SLC4A5: variants seen among roughly 807,000 people sequenced by gnomAD.
SLC4A5 encodes the protein electrogenic sodium bicarbonate cotransporter 4.
Under a neutral mutation model 120.4 loss-of-function variants are expected in SLC4A5, and 96 were observed. The ratio of observed to expected loss-of-function variants is 0.80; its 90% CI spans 0.68 to 0.94. The LOEUF is 0.94. SLC4A5 is among the 40% of genes least tolerant of loss of function. The pLI is 0.00. For missense variants in SLC4A5, 1,259 were observed against 1,459.5 expected (o/e 0.86, Z 2.24); for synonymous variants, 550 against 571.1 (o/e 0.96, Z 0.53).
In SLC4A5 at chr2:74,227,797, G is replaced by A; in HGVS notation, c.2916+13C>T. ...ACTCCAGATCATGAAGGGATCTGGA[G>A]GGAAAGCCTTACCTGGATGCCATTC... On this transcript the variant is annotated intron_variant, in intron 26 of 30. Transcript: ENST00000394019. 1 of 1,601,834 alleles carries A rather than the reference G, an allele frequency of 6.2e-7. No individual in the cohort carries two copies. The highest frequency in any genetic ancestry group is 8.5e-7 in the Non-Finnish European group (1 of 1,174,522).
At chr2:74,290,342 C>T (rs1672117729) in intron 7 of SLC4A5, 2 of 985,332 alleles carry the variant, frequency 2.0e-6, no homozygotes, top group Admixed American at 6.1e-5. Flanking sequence ...GCTACTTCCA[C>T]AGGTCCTCTT....
chr2:74,279,308 T>A (rs1195346980), intron 8 of SLC4A5, among the ~76,000 whole-genome samples: 3 of 152,148 alleles, frequency 2.0e-5, no homozygotes, highest in African/African-American at 7.2e-5. Context: ...ACTGCGGGAG[T>A]AGGTCCATCC....
intron 6 of SLC4A5, chr2:74,307,068 T>A: frequency 7.1e-6 from 4 of 566,008 alleles, no homozygotes; most frequent in Non-Finnish European, 1.3e-5. Context: ...CAAGCTGACC[T>A]TCAGATTTCT....
chr2:74,341,227 C>T, intron 2 of SLC4A5, among the ~76,000 whole-genome samples: 1 of 150,080 alleles, frequency 6.7e-6, no homozygotes, highest in Non-Finnish European at 1.5e-5. Flanking sequence ...ATCGCTTGAA[C>T]TCAGGAGGTG....
In SLC4A5 at chr2:74,284,476, G is replaced by T. The variant is rs531700649; in HGVS notation, c.401+1297C>A. Among the ~76,000 whole-genome samples the T allele has an allele frequency of 5.5e-5, 4 of 73,010 alleles. 2 individuals carry two copies. Among genetic ancestry groups the T allele is most frequent in the Non-Finnish European group, 8.7e-5 (4 of 46,032 alleles). The allele number at this position is 73,010 out of a possible 152,430, so 47.9% of individuals were successfully genotyped here. ...ATTACAGGCGTGAGCCACCGCGCCC[G>T]GCCTATTCCTTATTTCTAATGAAAG... On this transcript the variant is annotated intron_variant, in intron 8 of 30. Coordinates refer to ENST00000394019, the Ensembl canonical transcript of SLC4A5.
intron 6 of SLC4A5, among the ~76,000 whole-genome samples, chr2:74,308,738 A>AT (rs201646465): frequency 0.14 from 20,296 of 143,782 alleles, 1,728 homozygotes; most frequent in East Asian, 0.48. Context: ...CCAGCTTATC[A>AT]TTTTTTTTTT....
exon 24 of SLC4A5, chr2:74,232,540 G>A: frequency 6.2e-7 from 1 of 1,613,992 alleles, no homozygotes; most frequent in Non-Finnish European, 8.5e-7. Flanking sequence ...TGTCGATGTG[G>A]GCGATGGAGA....
chr2:74,341,166 G>A (rs1022059778), intron 2 of SLC4A5, among the ~76,000 whole-genome samples: 6 of 152,014 alleles, frequency 3.9e-5, no homozygotes, highest in East Asian at 3.9e-4. Flanking sequence ...TTAGTTGGGC[G>A]TGGTGGTGGG....
chr2:74,313,045 T>C (rs1364832703), intron 6 of SLC4A5, among the ~76,000 whole-genome samples: 4 of 150,670 alleles, frequency 2.7e-5, no homozygotes, highest in East Asian at 3.9e-4. Flanking sequence ...TCCCCCTTTT[T>C]GGTCTTTTTT....
chr2:74,281,289 C>T (rs886820898), intron 8 of SLC4A5, among the ~76,000 whole-genome samples: 6 of 152,364 alleles, frequency 3.9e-5, no homozygotes, highest in Admixed American at 2.0e-4. Flanking sequence ...TCTTGGGAGG[C>T]GCTAAGCTCT....
At chr2:74,266,532 G>A (rs994345706) in intron 8 of SLC4A5, among the ~76,000 whole-genome samples, 10 of 152,154 alleles carry the variant, frequency 6.6e-5, no homozygotes, top group African/African-American at 2.2e-4. Context: ...GCCTCCCAAA[G>A]TTCTAGAATC....
intron 27 of SLC4A5, 149 bp downstream of exon 27, chr2:74,226,808 G>T: frequency 1.1e-6 from 1 of 883,706 alleles, no homozygotes; most frequent in Non-Finnish European, 1.8e-6. Flanking sequence ...ACTCAAATCA[G>T]GTCATTCTGT....
intron 7 of SLC4A5, among the ~76,000 whole-genome samples, chr2:74,288,061 G>A (rs1672040390): frequency 6.6e-6 from 1 of 152,138 alleles, no homozygotes; most frequent in South Asian, 2.1e-4. Context: ...GTTTCAAACT[G>A]ACAGTTCAAA....
chr2:74,315,334 G>C (rs1175836050), intron 5 of SLC4A5, among the ~76,000 whole-genome samples: 1 of 151,540 alleles, frequency 6.6e-6, no homozygotes, highest in African/African-American at 2.4e-5. Flanking sequence ...CAGCTGCTAG[G>C]AAGGCTGAGG....
chr2:74,239,781 G>T (rs549183040), intron 20 of SLC4A5, among the ~76,000 whole-genome samples: 4 of 87,408 alleles, frequency 4.6e-5, no homozygotes, highest in South Asian at 5.5e-4. Context: ...AGTAGGAAAA[G>T]TGCAGAGGCA....
intron 6 of SLC4A5, among the ~76,000 whole-genome samples, chr2:74,313,295 TAC>T (rs773858951): frequency 3.9e-5 from 6 of 152,198 alleles, no homozygotes; most frequent in Non-Finnish European, 8.8e-5. Flanking sequence ...CTTTGCAATA[TAC>T]AGTTAGAACT....
intron 18 of SLC4A5, 104 bp downstream of exon 18, chr2:74,248,249 C>T: frequency 1.4e-6 from 2 of 1,455,202 alleles, no homozygotes; most frequent in Non-Finnish European, 9.3e-7. Flanking sequence ...GGCTTTGGCA[C>T]CACCGCACCA....
At chr2:74,231,893 T>C (rs954986380) in intron 24 of SLC4A5, among the ~76,000 whole-genome samples, 1 of 152,140 alleles carries the variant, frequency 6.6e-6, no homozygotes, top group Non-Finnish European at 1.5e-5. Context: ...GAGAAGTTCT[T>C]AGGGCAGCCA....
At chr2:74,269,550 T>G (rs1360486534) in intron 8 of SLC4A5, among the ~76,000 whole-genome samples, 2 of 152,178 alleles carry the variant, frequency 1.3e-5, no homozygotes, top group Admixed American at 1.3e-4. Flanking sequence ...ATGTTTTAGT[T>G]GAGAGGATGC....
Sources: gnomAD v4.1 joint callset for allele counts (sites outside exome capture counted in the v4.1 genomes callset) on GRCh38, gnomAD v4.1.1 for gene constraint, MANE v1.5 for transcripts, NCBI Gene and HGNC (gene_info 2026-07-23, HGNC 2026-07-21) for gene names.